CTNNA2: variants seen among roughly 807,000 people sequenced by gnomAD.
The protein encoded by CTNNA2 is catenin alpha 2.
In CTNNA2, 42 loss-of-function variants were observed where a neutral mutation model predicts 101.0. That is an observed-to-expected ratio of 0.42 (90% CI 0.32 to 0.54). CTNNA2 has a LOEUF of 0.54. CTNNA2 is among the 20% of genes least tolerant of loss of function. The pLI is 0.14. For synonymous variants in CTNNA2, 450 were observed against 456.4 expected (o/e 0.99, Z 0.18); for missense variants, 871 against 1,223.1 (o/e 0.71, Z 4.29).
upstream of CTNNA2, among the ~76,000 whole-genome samples, chr2:79,509,085 CA>C (rs1671480894): frequency 6.9e-6 from 1 of 145,660 alleles, no homozygotes; most frequent in East Asian, 2.0e-4. Flanking sequence ...ACTACTGGTA[CA>C]AAACAAAAAA....
intron 1 of CTNNA2, among the ~76,000 whole-genome samples, chr2:79,627,509 G>A (rs1679398860): frequency 6.6e-6 from 1 of 152,134 alleles, no homozygotes; most frequent in Non-Finnish European, 1.5e-5. Flanking sequence ...CGCATAAAGT[G>A]CAACTTCACT....
chr2:80,022,446 C>A (rs1053850086), intron 7 of CTNNA2, among the ~76,000 whole-genome samples: 3 of 152,068 alleles, frequency 2.0e-5, no homozygotes, highest in Non-Finnish European at 4.4e-5. Flanking sequence ...AGCGTTTGAT[C>A]TGAGAGCTGA....
intron 7 of CTNNA2, among the ~76,000 whole-genome samples, chr2:80,054,317 T>A (rs578149549): frequency 6.6e-6 from 1 of 152,280 alleles, no homozygotes; most frequent in South Asian, 2.1e-4. Context: ...GACCCTAAAC[T>A]AGGAGGTCAA....
chr2:79,187,265 CTTTTCTTTTTTT>C (rs1185418302), intron 1 of CTNNA2, among the ~76,000 whole-genome samples: 5 of 83,396 alleles, frequency 6.0e-5, no homozygotes, highest in African/African-American at 2.9e-4. Context: ...CTTTTCTTTT[CTTTTCTTTTTTT>C]TTTTTTTTTT....
chr2:79,211,028 C>A (rs933995393), intron 2 of CTNNA2, among the ~76,000 whole-genome samples: 1 of 152,156 alleles, frequency 6.6e-6, no homozygotes, highest in African/African-American at 2.4e-5. Context: ...CCTGAAACTT[C>A]CCAAATATAA....
chr2:79,895,935 T>C (rs1040784904), intron 6 of CTNNA2, among the ~76,000 whole-genome samples: 4 of 152,144 alleles, frequency 2.6e-5, no homozygotes, highest in Non-Finnish European at 5.9e-5. Flanking sequence ...GAGGAGATTC[T>C]CAGAATTTAC....
intron 4 of CTNNA2, among the ~76,000 whole-genome samples, chr2:79,455,269 C>T (rs897934610): frequency 1.4e-4 from 22 of 152,132 alleles, no homozygotes; most frequent in Admixed American, 9.8e-4. Context: ...TGGGATGTTG[C>T]TAAATAGCAT....
intron 3 of CTNNA2, among the ~76,000 whole-genome samples, chr2:79,360,196 A>G (rs557653891): frequency 6.6e-6 from 1 of 152,306 alleles, no homozygotes; most frequent in Non-Finnish European, 1.5e-5. Context: ...CTCAGAATAC[A>G]TGGTTCTATC....
intron 13 of CTNNA2, chr2:80,574,988 C>G (rs999175888): frequency 1.3e-5 from 2 of 152,190 alleles, no homozygotes; most frequent in African/African-American, 4.8e-5. Flanking sequence ...CCACAAGGCA[C>G]ATTCACATAT....
chr2:80,383,917 TA>T (rs1032736163), intron 7 of CTNNA2, among the ~76,000 whole-genome samples: 87 of 152,286 alleles, frequency 5.7e-4, no homozygotes, highest in African/African-American at 2.0e-3. Flanking sequence ...GGTCTCAACC[TA>T]AATGACCATC....
intron 3 of CTNNA2, among the ~76,000 whole-genome samples, chr2:79,839,296 T>G (rs1304809868): frequency 6.6e-6 from 1 of 152,110 alleles, no homozygotes; most frequent in Non-Finnish European, 1.5e-5. Context: ...AACAGTATAA[T>G]TTTTTATTGT....
intron 7 of CTNNA2, among the ~76,000 whole-genome samples, chr2:80,143,604 A>G (rs73940966): frequency 0.032 from 4,911 of 152,262 alleles, 255 homozygotes; most frequent in African/African-American, 0.11. Context: ...CTCCCCAAGA[A>G]TGAACAATTT....
At chr2:79,577,147 A>G (rs1364590311) in intron 1 of CTNNA2, among the ~76,000 whole-genome samples, 1 of 152,124 alleles carries the variant, frequency 6.6e-6, no homozygotes, top group Non-Finnish European at 1.5e-5. Context: ...TACTGTGTTC[A>G]TCTGAAAGTT....
intron 2 of CTNNA2, among the ~76,000 whole-genome samples, chr2:79,285,127 T>C (rs994201575): frequency 9.2e-5 from 14 of 151,472 alleles, no homozygotes; most frequent in South Asian, 2.1e-4. Flanking sequence ...CATTTTTTAT[T>C]GTGTCTATTT....
chr2:79,645,074 C>T lies in CTNNA2; in HGVS notation c.-5-6478C>T, dbSNP rs150468341. On this transcript the variant is annotated intron_variant, in intron 1 of 18. Transcript: ENST00000402739. The stretch of plus-strand genomic sequence containing the variant: ...CTCGGCTCACTGCAGCCTCTGCCTC[C>T]TGGGCTCAGGCCATCTTCCCACCTC... 1.5e-4 allele frequency among the ~76,000 whole-genome samples: 23 copies of T among 152,212 alleles called. No individual in the cohort carries two copies. In the East Asian group the frequency reaches 4.3e-3, roughly 28 times the overall value.
intron 7 of CTNNA2, among the ~76,000 whole-genome samples, chr2:80,232,341 G>GTTTTTTTTTTTTTTTTTTTTT (rs1286822049): frequency 3.2e-4 from 26 of 82,002 alleles, no homozygotes; most frequent in Non-Finnish European, 6.0e-4. Context: ...TTGTTTGTTT[G>GTTTTTTTTTTTTTTTTTTTTT]TTTGTTTTTT....
chr2:79,705,504 A>G (rs989013087), intron 2 of CTNNA2, among the ~76,000 whole-genome samples: 2 of 152,186 alleles, frequency 1.3e-5, no homozygotes, highest in East Asian at 3.9e-4. Flanking sequence ...TCAGGTGTCC[A>G]CTGGGGTTCT....
chr2:80,062,528 T>G (rs1407001285), intron 7 of CTNNA2, among the ~76,000 whole-genome samples: 1 of 152,104 alleles, frequency 6.6e-6, no homozygotes, highest in Non-Finnish European at 1.5e-5. Flanking sequence ...GGGTAATACA[T>G]TTACATTTTA....
intron 7 of CTNNA2, among the ~76,000 whole-genome samples, chr2:80,381,120 C>T (rs1676473522): frequency 6.6e-6 from 1 of 151,932 alleles, no homozygotes; most frequent in Non-Finnish European, 1.5e-5. Flanking sequence ...TGAGGAGTGC[C>T]AGTGGCTTGC....
Sources: allele counts gnomAD v4.1 joint callset (sites outside exome capture counted in the v4.1 genomes callset), GRCh38; gene constraint gnomAD v4.1.1; transcripts MANE v1.5; gene names NCBI Gene and HGNC (gene_info 2026-07-23, HGNC 2026-07-21).